TMEM154: variants seen among roughly 807,000 people sequenced by gnomAD.
The protein encoded by TMEM154 is transmembrane protein 154.
A neutral mutation model predicts 24.5 loss-of-function variants in TMEM154; 27 were observed. The ratio of observed to expected loss-of-function variants is 1.10; its 90% CI spans 0.81 to 1.52. TMEM154 has a LOEUF of 1.52. Ranked by LOEUF, TMEM154 falls within the 40% of genes most tolerant of loss-of-function variation. The pLI is 0.00. For synonymous variants in TMEM154, 67 were observed against 76.8 expected, an observed-to-expected ratio of 0.87 and a Z score of 0.67; for missense variants, 228 against 213.4, an observed-to-expected ratio of 1.07 and a Z score of -0.43.
At chr4:152,653,344 T>G (rs568197606) in intron 1 of TMEM154, among the ~76,000 whole-genome samples, 2 of 152,132 alleles carry the variant, frequency 1.3e-5, no homozygotes, top group African/African-American at 4.8e-5. Flanking sequence ...ATTAAGTACA[T>G]GCCATACAGC....
At chr4:152,636,538 G>A (rs759048198) in intron 6 of TMEM154, among the ~76,000 whole-genome samples, 8 of 152,132 alleles carry the variant, frequency 5.3e-5, no homozygotes, top group Non-Finnish European at 7.3e-5. Flanking sequence ...GCTGTCTTTC[G>A]GATTCCATAG....
At chr4:152,665,081 C>A (rs1728689372) in intron 1 of TMEM154, among the ~76,000 whole-genome samples, 1 of 152,190 alleles carries the variant, frequency 6.6e-6, no homozygotes, top group African/African-American at 2.4e-5. Context: ...TCAGTTACAT[C>A]AAAATACCTG....
rs143908710 is a variant in TMEM154 at position 152,679,250 on chromosome 4, C to CAA, written c.64+618_64+619dup. 8.0e-3 allele frequency among the ~76,000 whole-genome samples: 1,175 copies of CAA among 147,566 alleles called. 7 individuals carry two copies. Among genetic ancestry groups the CAA allele is most frequent in the Middle Eastern group, 0.048 (14 of 292 alleles). On this transcript the variant is annotated intron_variant, in intron 1 of 6. Transcript: ENST00000304385. ...AAATCTTCATTAGTAACAATCAATG[C>CAA]AAAAAAAAAATCTGTAAAAGTAACA...
chr4:152,642,070 G>T (rs1458302651), intron 5 of TMEM154, among the ~76,000 whole-genome samples: 1 of 151,618 alleles, frequency 6.6e-6, no homozygotes, highest in Non-Finnish European at 1.5e-5. Context: ...GTACAGACAT[G>T]TGCCACACCC....
chr4:152,634,054 A>AAAAAAAAGAAAGT (rs1752102008), intron 6 of TMEM154, among the ~76,000 whole-genome samples: 2 of 151,408 alleles, frequency 1.3e-5, no homozygotes, highest in African/African-American at 2.4e-5. Context: ...AAAAAAAAAA[A>AAAAAAAAGAAAGT]AAAGAAAGTG....
intron 1 of TMEM154, among the ~76,000 whole-genome samples, chr4:152,670,789 TTTCATGTTTATGCA>T (rs1728820685): frequency 6.6e-6 from 1 of 152,176 alleles, no homozygotes; most frequent in African/African-American, 2.4e-5. Flanking sequence ...ATTTGATAAA[TTTCATGTTTATGCA>T]TTCATTGAGT....
chr4:152,632,528 T>TA (rs1158431680), intron 6 of TMEM154, among the ~76,000 whole-genome samples: 8 of 152,274 alleles, frequency 5.3e-5, no homozygotes, highest in African/African-American at 9.6e-5. Flanking sequence ...ATTTTTAAGA[T>TA]GACTGGGTTG....
chr4:152,652,524 A>G lies in TMEM154; in HGVS notation c.364+14T>C, dbSNP rs769374166. On this transcript the variant is annotated intron_variant, in intron 3 of 6. Coordinates refer to ENST00000304385, the MANE Select transcript of TMEM154 (RefSeq NM_152680.3). Reference sequence around the variant, plus strand: ...CCACCCCCACCTGTAGGCAGGTTTTAGGATAATACTCACATGTCTGTAAAG... The same window carrying G: ...CCACCCCCACCTGTAGGCAGGTTTTGGGATAATACTCACATGTCTGTAAAG... 4 of 1,613,452 alleles carry G rather than the reference A, an allele frequency of 2.5e-6. No homozygotes were observed. Among genetic ancestry groups the G allele is most frequent in the Non-Finnish European group, 3.4e-6 (4 of 1,179,826 alleles).
chr4:152,640,881 C>G (rs1166492400), intron 6 of TMEM154, 47 bp downstream of exon 6: 2 of 1,280,570 alleles, frequency 1.6e-6, no homozygotes. Context: ...CCCAATCCCC[C>G]CGCCCCCCGC....
chr4:152,646,945 C>T (rs1054351011), intron 3 of TMEM154: 11 of 703,284 alleles, frequency 1.6e-5, no homozygotes, highest in Admixed American at 1.0e-4. Context: ...GCAGCTCTTT[C>T]AGAGAGACCT....
At chr4:152,672,090 T>TAAAAAA (rs11290618) in intron 1 of TMEM154, among the ~76,000 whole-genome samples, 1 of 101,956 alleles carries the variant, frequency 9.8e-6, no homozygotes, top group African/African-American at 3.5e-5. Context: ...CCTATCTCTA[T>TAAAAAA]AAAAAAAAAA....
At chr4:152,672,729 C>G (rs529968079) in intron 1 of TMEM154, among the ~76,000 whole-genome samples, 1 of 152,132 alleles carries the variant, frequency 6.6e-6, no homozygotes, top group Non-Finnish European at 1.5e-5. Flanking sequence ...GAAAGTATAC[C>G]TACTGAAAAG....
At chr4:152,636,425 G>T (rs573322109) in intron 6 of TMEM154, among the ~76,000 whole-genome samples, 3 of 152,206 alleles carry the variant, frequency 2.0e-5, no homozygotes, top group Non-Finnish European at 4.4e-5. Context: ...CCTCCCCCAT[G>T]ATTCCTTTGT....
chr4:152,676,018 A>G (rs919539984), intron 1 of TMEM154, among the ~76,000 whole-genome samples: 53 of 152,074 alleles, frequency 3.5e-4, no homozygotes, highest in African/African-American at 1.1e-3. Flanking sequence ...TCCCACAGTG[A>G]CTGCCTGACA....
intron 6 of TMEM154, among the ~76,000 whole-genome samples, chr4:152,631,981 A>C (rs565349188): frequency 6.7e-6 from 1 of 150,206 alleles, no homozygotes; most frequent in Admixed American, 6.6e-5. Flanking sequence ...ATTTTTTTGT[A>C]CTTTTTTAGT....
At chr4:152,654,969 A>G (rs1728461796) in intron 1 of TMEM154, among the ~76,000 whole-genome samples, 1 of 152,206 alleles carries the variant, frequency 6.6e-6, no homozygotes, top group South Asian at 2.1e-4. Context: ...ATCAGAATCA[A>G]TTACAAACTA....
rs56827457 is a variant in TMEM154, at chr4:152,630,309, C to CA, written c.537-1749dup. 3.5e-3 allele frequency among the ~76,000 whole-genome samples: 320 copies of CA among 91,316 alleles called. 7 individuals are homozygous for CA. Among genetic ancestry groups the CA allele is most frequent in the African/African-American group, 0.012 (279 of 22,910 alleles). The allele number at this position is 91,316 out of a possible 152,430, so 59.9% of individuals were successfully genotyped here. A position where few individuals can be genotyped will look rare whatever the true frequency, so the allele number is the denominator to read the frequency against. On this transcript the variant is annotated intron_variant, in intron 6 of 6. Coordinates refer to ENST00000304385, the MANE Select transcript of TMEM154 (RefSeq NM_152680.3). The stretch of plus-strand genomic sequence containing the variant: ...CCTGGGTAAGAGAGACACCCTGTCT[C>CA]AAAAAAAAAAAAAAAAAAAAGACAA...
chr4:152,646,317 C>T (rs562386524), intron 3 of TMEM154, among the ~76,000 whole-genome samples: 1 of 152,252 alleles, frequency 6.6e-6, no homozygotes, highest in East Asian at 1.9e-4. Context: ...TCCAGATGCA[C>T]CAAATGTGAA....
At chr4:152,639,492 A>T (rs918355231) in intron 6 of TMEM154, among the ~76,000 whole-genome samples, 2 of 152,194 alleles carry the variant, frequency 1.3e-5, no homozygotes, top group Non-Finnish European at 2.9e-5. Flanking sequence ...TCCAGGTAAG[A>T]TCAAAACATG....
Sources: allele counts gnomAD v4.1 joint callset (sites outside exome capture counted in the v4.1 genomes callset), GRCh38; gene constraint gnomAD v4.1.1; transcripts MANE v1.5; gene names NCBI Gene and HGNC (gene_info 2026-07-23, HGNC 2026-07-21).